Variants in ATP2B2 observed in about 807,000 individuals in gnomAD.
The protein encoded by ATP2B2 is plasma membrane calcium-transporting ATPase 2.
ATP2B2 carries 15 observed loss-of-function variants against 120.0 expected under a neutral mutation model. The ratio of observed to expected loss-of-function variants is 0.12; its 90% CI spans 0.08 to 0.19. ATP2B2 has a LOEUF of 0.19. ATP2B2 is among the 10% of genes least tolerant of loss of function. The probability of loss-of-function intolerance (pLI) is 1.00; values close to 1 mark genes in which losing one functional copy is unlikely to be tolerated. For synonymous variants in ATP2B2, 694 were observed against 700.3 expected, an observed-to-expected ratio of 0.99 and a Z score of 0.14; for missense variants, 1,045 against 1,719.8, an observed-to-expected ratio of 0.61 and a Z score of 6.94.
chr3:10,338,385 G>T, intron 21 of ATP2B2, 27 bp from the exon 22 acceptor site: 1 of 1,613,430 alleles, frequency 6.2e-7, no homozygotes, highest in South Asian at 1.1e-5. Context: ...CTGTCAGGAC[G>T]GTGGGGCTGT....
At chr3:10,657,384 T>C (rs1260999931) in intron 1 of ATP2B2, among the ~76,000 whole-genome samples, 11 of 152,214 alleles carry the variant, frequency 7.2e-5, no homozygotes, top group Non-Finnish European at 1.6e-4. Flanking sequence ...ACATTACAAT[T>C]TGTTGCCCCT....
chr3:10,506,314 G>T (rs2066625292), upstream of ATP2B2, among the ~76,000 whole-genome samples: 1 of 152,174 alleles, frequency 6.6e-6, no homozygotes, highest in African/African-American at 2.4e-5. Context: ...TGGCTTGGCA[G>T]AAGGGCCTGC....
intron 2 of ATP2B2, among the ~76,000 whole-genome samples, chr3:10,600,852 G>A (rs539240085): frequency 6.6e-6 from 1 of 152,334 alleles, no homozygotes; most frequent in South Asian, 2.1e-4. Context: ...GAGCTGGAAT[G>A]AGGGGGTTGA....
chr3:10,603,299 G>A lies in ATP2B2; in HGVS notation c.-415+16618C>T, dbSNP rs183361073. ...TGCCCGGTGTGTTTGGCAGATGCTC[G>A]ATACACGTCAGTTCTCTAATAGAAT... On this transcript the variant is annotated intron_variant, in intron 2 of 21. Transcript: ENST00000646379. Among the ~76,000 whole-genome samples, 245 of 152,362 alleles carry A rather than the reference G, an allele frequency of 1.6e-3. 1 individual carries two copies. Among genetic ancestry groups the A allele is most frequent in the Admixed American group, 4.6e-3 (70 of 15,312 alleles).
chr3:10,328,559 T>TAAAAAA lies in ATP2B2; in HGVS notation c.*254_*255insTTTTTT. On this transcript the variant is annotated 3_prime_UTR_variant, in exon 23 of 23. Coordinates refer to ENST00000360273, the MANE Select transcript of ATP2B2 (RefSeq NM_001001331.4). ...TGGGTGGGAGCCAGGAAGGGCTTGT[T>TAAAAAA]TTGGGAAAACCGCTCACTCCCGTAA... 3.4e-5 allele frequency: 16 copies of TAAAAAA among 465,574 alleles called. No homozygotes were observed. Among genetic ancestry groups the TAAAAAA allele is most frequent in the Non-Finnish European group, 5.3e-5 (14 of 261,732 alleles). The allele number at this position is 465,574 out of a possible 1,614,324, so 28.8% of individuals were successfully genotyped here.
chr3:10,623,909 C>T (rs1285713563), intron 1 of ATP2B2, among the ~76,000 whole-genome samples: 1 of 152,204 alleles, frequency 6.6e-6, no homozygotes, highest in African/African-American at 2.4e-5. Flanking sequence ...TCCAACTCCA[C>T]CCTCTACTCC....
chr3:10,601,192 C>CA (rs767381318), intron 2 of ATP2B2, among the ~76,000 whole-genome samples: 1 of 151,982 alleles, frequency 6.6e-6, no homozygotes, highest in Non-Finnish European at 1.5e-5. Context: ...ACTCTCTAGG[C>CA]AAAAAAGAAG....
chr3:10,410,523 A>C, intron 3 of ATP2B2, 95 bp downstream of exon 3: 1 of 1,421,494 alleles, frequency 7.0e-7, no homozygotes, highest in Non-Finnish European at 9.5e-7. Flanking sequence ...TTCCCCTGGG[A>C]GGAGAGGATT....
At chr3:10,637,588 A>G (rs895451059) in intron 1 of ATP2B2, among the ~76,000 whole-genome samples, 1 of 152,238 alleles carries the variant, frequency 6.6e-6, no homozygotes, top group East Asian at 1.9e-4. Flanking sequence ...GAAACTACCC[A>G]AAATGAAATA....
intron 11 of ATP2B2, among the ~76,000 whole-genome samples, chr3:10,374,015 C>T (rs1288460369): frequency 6.6e-6 from 1 of 152,160 alleles, no homozygotes; most frequent in Non-Finnish European, 1.5e-5. Context: ...TCTGCCTCTC[C>T]TGTGTTGGGG....
rs138782539 is a variant in ATP2B2 at position 10,621,172 on chromosome 3, C to T, written c.-459-1211G>A. Among the ~76,000 whole-genome samples, 438 of 152,300 alleles carry T rather than the reference C, an allele frequency of 2.9e-3. 2 individuals are homozygous for T. Among genetic ancestry groups the T allele is most frequent in the African/African-American group, 0.01 (418 of 41,562 alleles). On this transcript the variant is annotated intron_variant, in intron 1 of 21. Coordinates refer to the ATP2B2 transcript ENST00000646379. The stretch of plus-strand genomic sequence containing the variant: ...CACCTGGAGCTTGCTGGGCCCTGAT[C>T]CTCCCTTCCCCCTCCCTCCATCCTG...
chr3:10,505,891 G>C (rs2066610055), upstream of ATP2B2, among the ~76,000 whole-genome samples: 1 of 152,052 alleles, frequency 6.6e-6, no homozygotes, highest in Admixed American at 6.5e-5. Context: ...AGAGTCCCAG[G>C]AATATGCCCG....
intron 1 of ATP2B2, among the ~76,000 whole-genome samples, chr3:10,644,110 C>A (rs1462239683): frequency 6.6e-6 from 1 of 152,210 alleles, no homozygotes; most frequent in South Asian, 2.1e-4. Flanking sequence ...TAAAAATGGG[C>A]AAAGGGCTTG....
chr3:10,653,322 A>G (rs1575594586), intron 1 of ATP2B2, among the ~76,000 whole-genome samples: 2 of 152,056 alleles, frequency 1.3e-5, no homozygotes, highest in East Asian at 1.9e-4. Context: ...TCCTGGAAAC[A>G]TTGTTTCCAA....
intron 1 of ATP2B2, among the ~76,000 whole-genome samples, chr3:10,483,032 C>T (rs2065475183): frequency 6.6e-6 from 1 of 152,200 alleles, no homozygotes; most frequent in Admixed American, 6.5e-5. Context: ...AGTCGCTTAC[C>T]CAACGTGACA....
intron 3 of ATP2B2, among the ~76,000 whole-genome samples, chr3:10,513,290 G>C (rs1031163308): frequency 6.6e-6 from 1 of 152,096 alleles, no homozygotes; most frequent in African/African-American, 2.4e-5. Flanking sequence ...CAGTGTTGCC[G>C]ACAAAGGGTG....
chr3:10,361,700 G>A (rs2060905281), intron 12 of ATP2B2, among the ~76,000 whole-genome samples: 1 of 152,184 alleles, frequency 6.6e-6, no homozygotes, highest in African/African-American at 2.4e-5. Flanking sequence ...TTCCCTGCCA[G>A]GCAAACTTCC....
intron 1 of ATP2B2, among the ~76,000 whole-genome samples, chr3:10,684,525 T>G (rs1051268630): frequency 1.3e-5 from 2 of 152,190 alleles, no homozygotes; most frequent in African/African-American, 4.8e-5. Context: ...CCTCAAAGGT[T>G]TCACAAATTA....
chr3:10,506,478 C>T (rs1168960400), upstream of ATP2B2, among the ~76,000 whole-genome samples: 1 of 152,208 alleles, frequency 6.6e-6, no homozygotes, highest in Non-Finnish European at 1.5e-5. Flanking sequence ...GGGTTGGAAG[C>T]CCCTAGCCAG....
Sources: allele counts gnomAD v4.1 joint callset (sites outside exome capture counted in the v4.1 genomes callset), GRCh38; gene constraint gnomAD v4.1.1; transcripts MANE v1.5; gene names NCBI Gene and HGNC (gene_info 2026-07-23, HGNC 2026-07-21).